The following PRKG1 variants were observed in gnomAD, a reference collection of about 807,000 sequenced individuals.
PRKG1 encodes the protein cGMP-dependent protein kinase 1.
A neutral mutation model predicts 88.1 loss-of-function variants in PRKG1; 35 were observed. The ratio of observed to expected loss-of-function variants is 0.40; its 90% CI spans 0.30 to 0.53. PRKG1 has a LOEUF of 0.53. Ranked by LOEUF, PRKG1 falls within the 20% of genes least tolerant of loss-of-function variation. PRKG1 has a pLI of 0.59. For missense variants in PRKG1, 540 were observed against 839.8 expected (o/e 0.64, Z 4.41); for synonymous variants, 303 against 292.5 (o/e 1.04, Z -0.37).
chr10:51,321,330 T>C (rs1841449690), intron 2 of PRKG1, among the ~76,000 whole-genome samples: 4 of 152,172 alleles, frequency 2.6e-5, no homozygotes, highest in Admixed American at 2.6e-4. Flanking sequence ...AAATTAGGAA[T>C]GAAACATGCT....
At chr10:52,133,777 CA>C in intron 7 of PRKG1, 62 bp from the exon 8 acceptor site, 1 of 1,366,782 alleles carries the variant, frequency 7.3e-7, no homozygotes, top group Non-Finnish European at 1.0e-6. Flanking sequence ...GAATTAATCA[CA>C]ATGGACACTG....
chr10:51,300,242 A>T (rs1840846943), intron 2 of PRKG1, among the ~76,000 whole-genome samples: 1 of 152,236 alleles, frequency 6.6e-6, no homozygotes, highest in Non-Finnish European at 1.5e-5. Flanking sequence ...CACTGCACAC[A>T]CAGTCAGAGC....
At chr10:51,169,296 A>G (rs756297064) in intron 2 of PRKG1, among the ~76,000 whole-genome samples, 2 of 152,172 alleles carry the variant, frequency 1.3e-5, no homozygotes, top group African/African-American at 2.4e-5. Flanking sequence ...GTAAACCTAC[A>G]TTGTGAGCTA....
At chr10:52,215,668 G>C (rs1187352719) in intron 9 of PRKG1, among the ~76,000 whole-genome samples, 1 of 151,960 alleles carries the variant, frequency 6.6e-6, no homozygotes, top group East Asian at 1.9e-4. Flanking sequence ...TCATGAATTT[G>C]GATGGATAAC....
chr10:52,067,583 C>T (rs545570073), intron 7 of PRKG1, among the ~76,000 whole-genome samples: 1 of 152,150 alleles, frequency 6.6e-6, no homozygotes, highest in South Asian at 2.1e-4. Context: ...ATAGTAGAGT[C>T]ATAAATTGAG....
At chr10:51,874,635 A>G (rs546271975) in intron 4 of PRKG1, among the ~76,000 whole-genome samples, 2 of 152,266 alleles carry the variant, frequency 1.3e-5, no homozygotes, top group East Asian at 3.9e-4. Flanking sequence ...AAAGAAGAAG[A>G]CATCTGAGTT....
intron 2 of PRKG1, among the ~76,000 whole-genome samples, chr10:51,316,433 C>T (rs1841319827): frequency 6.6e-6 from 1 of 152,124 alleles, no homozygotes; most frequent in Non-Finnish European, 1.5e-5. Context: ...CCTGTAATTC[C>T]AGCACTTTGG....
chr10:51,595,747 T>A (rs1838429583), intron 3 of PRKG1, among the ~76,000 whole-genome samples: 1 of 152,186 alleles, frequency 6.6e-6, no homozygotes, highest in African/African-American at 2.4e-5. Context: ...AAACCTTTTC[T>A]GACCTCCCAG....
At chr10:51,778,540 A>T (rs949437752) in intron 3 of PRKG1, among the ~76,000 whole-genome samples, 1 of 152,182 alleles carries the variant, frequency 6.6e-6, no homozygotes, top group Admixed American at 6.6e-5. Flanking sequence ...GGTAGAAGAA[A>T]AATTAATTTT....
intron 3 of PRKG1, among the ~76,000 whole-genome samples, chr10:51,620,872 G>C (rs1015212650): frequency 6.6e-6 from 1 of 151,746 alleles, no homozygotes; most frequent in Non-Finnish European, 1.5e-5. Context: ...CATAAGTTTA[G>C]GGAAATGACC....
rs147640966 is a variant in PRKG1, at chr10:51,674,032, G to A, written c.593-130553G>A. 5.7e-4 allele frequency among the ~76,000 whole-genome samples: 86 copies of A among 152,136 alleles called. No individual in the cohort carries two copies. In the East Asian group the frequency reaches 8.5e-3, roughly 15 times the overall value. ...CCTAAGTATTGATTAGAATGCAGAG[G>A]GGCATATTGGAGAATACCAAGAGAC... is the stretch of plus-strand genomic sequence containing the variant. On this transcript the variant is annotated intron_variant, in intron 3 of 17. Transcript: ENST00000373980.
rs1840377994 is a variant in PRKG1 at position 51,845,634 on chromosome 10, A to C, written c.698+40944A>C. 2.0e-5 allele frequency among the ~76,000 whole-genome samples: 3 copies of C among 152,216 alleles called. No homozygotes were observed. In the South Asian group the frequency reaches 6.2e-4, roughly 32 times the overall value. On this transcript the variant is annotated intron_variant, in intron 4 of 17. Transcript: ENST00000373980. The stretch of plus-strand genomic sequence containing the variant: ...TTTATTATCACCAATATGGCACTTA[A>C]CATCTCCAGACTTTTTTTATGTGTT...
At chr10:51,053,536 C>G (rs902930994) in intron 1 of PRKG1, among the ~76,000 whole-genome samples, 1 of 152,158 alleles carries the variant, frequency 6.6e-6, no homozygotes. Flanking sequence ...CATCACCCCC[C>G]ATGGTAAATC....
chr10:51,735,171 A>C (rs985489982), intron 3 of PRKG1, among the ~76,000 whole-genome samples: 2 of 152,214 alleles, frequency 1.3e-5, no homozygotes, highest in African/African-American at 4.8e-5. Flanking sequence ...ACTTCCAGAC[A>C]GATTAGCTAT....
chr10:51,360,353 G>A (rs1399441008), intron 2 of PRKG1, among the ~76,000 whole-genome samples: 2 of 151,904 alleles, frequency 1.3e-5, no homozygotes, highest in Non-Finnish European at 2.9e-5. Context: ...TAACAAAGAA[G>A]TTATAAAAGA....
At chr10:51,873,157 A>G (rs1016339873) in intron 4 of PRKG1, among the ~76,000 whole-genome samples, 4 of 152,194 alleles carry the variant, frequency 2.6e-5, no homozygotes, top group African/African-American at 7.2e-5. Flanking sequence ...CTTATTAAAC[A>G]TGATAAATAT....
Position 51,554,117 on chromosome 10 carries a change from A to ATGTGTATATATTATATGTG in PRKG1, c.592+86281_592+86282insTGTGTATATATTATATGTG, listed in dbSNP as rs1564547446. ...TATATATTATATGTGCGTATGTGAT[A>ATGTGTATATATTATATGTG]CGTGTATATATTATATGTGCGTATG... On this transcript the variant is annotated intron_variant, in intron 3 of 17. Transcript: ENST00000373980. Among the ~76,000 whole-genome samples the ATGTGTATATATTATATGTG allele has an allele frequency of 4.3e-5, 6 of 139,286 alleles. 3 individuals are homozygous for ATGTGTATATATTATATGTG. In the East Asian group the frequency reaches 1.2e-3, roughly 29 times the overall value. 91.4% of individuals were successfully genotyped at this position (139,286 alleles called of 152,430 possible).
rs1016826979 is a variant in PRKG1, at chr10:51,571,843, G to A, written c.592+104007G>A. On this transcript the variant is annotated intron_variant, in intron 3 of 17. Coordinates refer to ENST00000373980, the MANE Select transcript of PRKG1 (RefSeq NM_006258.4). Reference sequence around the variant, plus strand: ...GATGTAAGATAGATATATTATTGTGGAGAATTCACCTTTCTGAGATGTGCA... The same window carrying A: ...GATGTAAGATAGATATATTATTGTGAAGAATTCACCTTTCTGAGATGTGCA... 9.2e-5 allele frequency among the ~76,000 whole-genome samples: 14 copies of A among 151,886 alleles called. No homozygotes were observed. The South Asian group carries it at 2.9e-3, about 32-fold the overall frequency.
Position 51,053,954 on chromosome 10 carries a change from T to C in PRKG1, c.266+62310T>C, listed in dbSNP as rs904018215. Among the ~76,000 whole-genome samples the C allele has an allele frequency of 2.0e-5, 3 of 152,116 alleles. No homozygotes were observed. The East Asian group carries it at 5.8e-4, about 29-fold the overall frequency. On this transcript the variant is annotated intron_variant, in intron 1 of 17. Transcript: ENST00000401604. ...GTTTTATGTTGAGTCCAACTTACAG[T>C]TTTCAAAGCTAAGTACAGTAAAAAT... is the stretch of plus-strand genomic sequence containing the variant.
Sources: gnomAD v4.1 joint callset for allele counts (sites outside exome capture counted in the v4.1 genomes callset) on GRCh38, gnomAD v4.1.1 for gene constraint, MANE v1.5 for transcripts, NCBI Gene and HGNC (gene_info 2026-07-23, HGNC 2026-07-21) for gene names.